RYR2: variants seen among roughly 807,000 people sequenced by gnomAD.
The protein encoded by RYR2 is cardiac muscle ryanodine receptor-calcium release channel.
RYR2 carries 227 observed loss-of-function variants against 601.1 expected under a neutral mutation model. That is an observed-to-expected ratio of 0.38 (90% CI 0.34 to 0.42). The LOEUF (loss-of-function observed/expected upper bound fraction) is 0.42, where lower values mean the gene tolerates loss of function less well. Ranked by LOEUF, RYR2 falls within the 10% of genes least tolerant of loss-of-function variation. RYR2 has a pLI of 1.00. For synonymous variants in RYR2, 2,223 were observed against 2,175.1 expected (o/e 1.02, Z -0.61); for missense variants, 4,646 against 6,156.5 (o/e 0.75, Z 8.21).
chr1:237,730,485 T>C (rs561329487), intron 77 of RYR2, 129 bp downstream of exon 77: 1 of 505,464 alleles, frequency 2.0e-6, no homozygotes, highest in African/African-American at 1.9e-5. Context: ...AGGAAACTTT[T>C]AAATCTTAAT....
intron 1 of RYR2, among the ~76,000 whole-genome samples, chr1:237,071,281 T>C (rs1489075742): frequency 1.3e-5 from 2 of 151,624 alleles, no homozygotes; most frequent in African/African-American, 4.8e-5. Flanking sequence ...TGGAGTGCAA[T>C]GGTGCTATCT....
intron 1 of RYR2, among the ~76,000 whole-genome samples, chr1:237,254,415 G>A (rs1687754065): frequency 6.6e-6 from 1 of 152,162 alleles, no homozygotes; most frequent in Admixed American, 6.5e-5. Flanking sequence ...TGCAGTATTT[G>A]GAGCTTATGC....
intron 1 of RYR2, among the ~76,000 whole-genome samples, chr1:237,241,408 T>C (rs549039151): frequency 1.3e-5 from 2 of 152,318 alleles, no homozygotes; most frequent in East Asian, 1.9e-4. Context: ...ATATTAAATA[T>C]TGTTGGTCAC....
chr1:237,657,599 T>C (rs1454987281), intron 53 of RYR2, among the ~76,000 whole-genome samples: 1 of 151,734 alleles, frequency 6.6e-6, no homozygotes, highest in Non-Finnish European at 1.5e-5. Flanking sequence ...ATTTAGTGCT[T>C]GTTTTTTCTT....
At chr1:237,236,580 GTT>G (rs1420784071) in intron 1 of RYR2, among the ~76,000 whole-genome samples, 1 of 152,162 alleles carries the variant, frequency 6.6e-6, no homozygotes, top group Non-Finnish European at 1.5e-5. Context: ...TGTGCAGATA[GTT>G]ATTGGTAGAG....
intron 1 of RYR2, among the ~76,000 whole-genome samples, chr1:237,265,828 T>C (rs1189256200): frequency 1.3e-5 from 2 of 152,126 alleles, no homozygotes; most frequent in Non-Finnish European, 1.5e-5. Flanking sequence ...TGGTGAGAAA[T>C]TGATGGATTG....
intron 29 of RYR2, among the ~76,000 whole-genome samples, chr1:237,571,455 C>T (rs1672688994): frequency 6.6e-6 from 1 of 151,934 alleles, no homozygotes; most frequent in Admixed American, 6.6e-5. Context: ...GCTGGGATTA[C>T]AGGGGTGTGC....
At chr1:237,350,093 C>G (rs1698628721) in intron 3 of RYR2, among the ~76,000 whole-genome samples, 1 of 151,740 alleles carries the variant, frequency 6.6e-6, no homozygotes, top group African/African-American at 2.4e-5. Flanking sequence ...AAGAATAAAA[C>G]TAAATGTTAA....
intron 1 of RYR2, among the ~76,000 whole-genome samples, chr1:237,178,643 C>CA (rs1487786557): frequency 6.6e-6 from 1 of 151,804 alleles, no homozygotes; most frequent in Non-Finnish European, 1.5e-5. Flanking sequence ...CCTGTCTCTA[C>CA]AAAAAAATAT....
intron 1 of RYR2, among the ~76,000 whole-genome samples, chr1:237,167,732 T>TC: frequency 7.2e-6 from 1 of 138,184 alleles, no homozygotes; most frequent in South Asian, 2.4e-4. Flanking sequence ...TTTTTTTTTT[T>TC]TAAATTTAGA....
intron 2 of RYR2, among the ~76,000 whole-genome samples, chr1:237,285,079 G>A (rs1477478276): frequency 1.3e-5 from 2 of 152,080 alleles, no homozygotes; most frequent in Non-Finnish European, 2.9e-5. Context: ...GAAGAGGAGT[G>A]GTGCAGGTGG....
intron 98 of RYR2, among the ~76,000 whole-genome samples, chr1:237,803,552 G>A (rs1426182327): frequency 8.6e-5 from 13 of 152,012 alleles, no homozygotes; most frequent in Non-Finnish European, 1.3e-4. Context: ...CGACCGCCTT[G>A]GCCTCCCAAA....
chr1:237,550,155 A>T (rs904711838), intron 26 of RYR2, among the ~76,000 whole-genome samples: 1 of 152,074 alleles, frequency 6.6e-6, no homozygotes. Flanking sequence ...TTGCCTGAAA[A>T]CCACTGAGGG....
intron 29 of RYR2, among the ~76,000 whole-genome samples, chr1:237,579,845 T>A (rs752633630): frequency 2.6e-5 from 4 of 152,096 alleles, no homozygotes; most frequent in Non-Finnish European, 4.4e-5. Context: ...ACAGAATATA[T>A]CATACCGAAT....
intron 80 of RYR2, among the ~76,000 whole-genome samples, chr1:237,747,828 A>G (rs138558813): frequency 6.8e-4 from 103 of 152,336 alleles, no homozygotes; most frequent in African/African-American, 2.3e-3. Context: ...TATTCCTTAT[A>G]TCAAGAAAAT....
intron 3 of RYR2, chr1:237,341,762 T>C (rs1697819665): frequency 1.1e-5 from 5 of 448,722 alleles, no homozygotes; most frequent in Non-Finnish European, 2.2e-5. Flanking sequence ...GTTTTGAACA[T>C]ATGATAGAGC....
Position 237,362,093 on chromosome 1 carries a change from C to T in RYR2, c.295-2265C>T, listed in dbSNP as rs1204483628. ...TTCCATGTTAATGTGGCATGTGCCC[C>T]CAGGTTTTGCTTGTATTTGGAGCTC... is the stretch of plus-strand genomic sequence containing the variant. On this transcript the variant is annotated intron_variant, in intron 4 of 104. Transcript: ENST00000366574. 2.6e-5 allele frequency among the ~76,000 whole-genome samples: 4 copies of T among 152,148 alleles called. No homozygotes were observed. In the East Asian group the frequency reaches 7.7e-4, roughly 29 times the overall value.
intron 87 of RYR2, among the ~76,000 whole-genome samples, chr1:237,774,951 A>G (rs1364844087): frequency 1.3e-5 from 2 of 150,854 alleles, no homozygotes; most frequent in Non-Finnish European, 2.9e-5. Flanking sequence ...ATCTAGAAGC[A>G]TCCATTGAGC....
In RYR2 at chr1:237,817,869, G is replaced by A. The variant is rs116576771; in HGVS notation, c.14434-1167G>A. 1.5e-3 allele frequency among the ~76,000 whole-genome samples: 231 copies of A among 152,294 alleles called. 2 individuals carry two copies. Among genetic ancestry groups the A allele is most frequent in the African/African-American group, 5.0e-3 (209 of 41,560 alleles). On this transcript the variant is annotated intron_variant, in intron 100 of 104. Transcript: ENST00000366574. ...CAACTAACTAGGTTTTGAATTGATGGGTGACACATCCATTAAGTCAGGGTA... is the reference window on the plus strand; with the variant it reads ...CAACTAACTAGGTTTTGAATTGATGAGTGACACATCCATTAAGTCAGGGTA...
Sources: allele counts gnomAD v4.1 joint callset (sites outside exome capture counted in the v4.1 genomes callset), GRCh38; gene constraint gnomAD v4.1.1; transcripts MANE v1.5; gene names NCBI Gene and HGNC (gene_info 2026-07-23, HGNC 2026-07-21).